PCDH15: variants seen among roughly 807,000 people sequenced by gnomAD.
PCDH15 encodes protocadherin-15.
Under a neutral mutation model 178.5 loss-of-function variants are expected in PCDH15, and 129 were observed. That is an observed-to-expected ratio of 0.72 (90% CI 0.63 to 0.84). The LOEUF (loss-of-function observed/expected upper bound fraction) is 0.84. Among genes scored for constraint, PCDH15 ranks in the 40% least tolerant of loss-of-function variants. PCDH15 has a pLI of 0.00. For synonymous variants in PCDH15, 800 were observed against 732.0 expected (o/e 1.09, Z -1.50); for missense variants, 2,230 against 2,099.9 (o/e 1.06, Z -1.21).
intron 3 of PCDH15, among the ~76,000 whole-genome samples, chr10:54,426,550 C>T (rs1455640377): frequency 2.0e-5 from 3 of 152,182 alleles, no homozygotes; most frequent in Admixed American, 2.0e-4. Context: ...CAGTTTGTGG[C>T]CTGGGGGTTG....
At chr10:55,620,242 C>T (rs1183228080) in intron 2 of PCDH15, among the ~76,000 whole-genome samples, 1 of 151,962 alleles carries the variant, frequency 6.6e-6, no homozygotes, top group Admixed American at 6.6e-5. Flanking sequence ...GCTAAGAACA[C>T]ATGACATATT....
chr10:54,580,059 G>C (rs2090897772), intron 2 of PCDH15, among the ~76,000 whole-genome samples: 1 of 151,876 alleles, frequency 6.6e-6, no homozygotes, highest in Admixed American at 6.6e-5. Flanking sequence ...ACACCTATGG[G>C]AACCGGAGGA....
intron 3 of PCDH15, among the ~76,000 whole-genome samples, chr10:54,467,692 T>A (rs748132359): frequency 4.0e-5 from 6 of 149,496 alleles, no homozygotes; most frequent in African/African-American, 1.5e-4. Flanking sequence ...CAAAATAAAT[T>A]GGCTGAAATT....
chr10:55,148,570 G>T (rs1476349616), intron 2 of PCDH15, among the ~76,000 whole-genome samples: 2 of 151,648 alleles, frequency 1.3e-5, no homozygotes, highest in Non-Finnish European at 2.9e-5. Context: ...ATCGTGGCTG[G>T]TTAAGATTAG....
intron 2 of PCDH15, among the ~76,000 whole-genome samples, chr10:54,550,592 C>G (rs138265340): frequency 6.6e-6 from 1 of 151,842 alleles, no homozygotes; most frequent in African/African-American, 2.4e-5. Context: ...TTAAAGCTGG[C>G]CTTCCATGAA....
Position 54,192,138 on chromosome 10 carries a change from G to A in PCDH15, c.1305+3545C>T, listed in dbSNP as rs530420799. On this transcript the variant is annotated intron_variant, in intron 11 of 37. Coordinates refer to ENST00000644397, the MANE Select transcript of PCDH15 (RefSeq NM_001384140.1). ...AAAAAAAGAAAGAAAGAAAGAGAAA[G>A]AGAAAGAAAGAAAGAAAAAGAAAGA... Among the ~76,000 whole-genome samples, 345 of 117,598 alleles carry A rather than the reference G, an allele frequency of 2.9e-3. 1 individual carries two copies. Among genetic ancestry groups the A allele is most frequent in the African/African-American group, 9.9e-3 (311 of 31,448 alleles). The allele number at this position is 117,598 out of a possible 152,430, so 77.1% of individuals were successfully genotyped here.
intron 2 of PCDH15, among the ~76,000 whole-genome samples, chr10:54,569,692 A>G (rs1937419): frequency 0.94 from 142,465 of 152,152 alleles, 66,965 homozygotes; most frequent in Middle Eastern, 0.98. Flanking sequence ...GTTATATCTG[A>G]CTGGAAATTA....
chr10:54,264,233 C>G (rs1023499740), intron 8 of PCDH15, among the ~76,000 whole-genome samples: 2 of 152,128 alleles, frequency 1.3e-5, no homozygotes, highest in African/African-American at 4.8e-5. Context: ...TATCCTACTA[C>G]TTCAGTACCT....
chr10:54,995,521 T>C (rs1475882882), intron 2 of PCDH15, among the ~76,000 whole-genome samples: 1 of 151,884 alleles, frequency 6.6e-6, no homozygotes, highest in Non-Finnish European at 1.5e-5. Flanking sequence ...ATTTTGCCCA[T>C]AACAACTTCT....
chr10:54,271,267 A>G (rs905825600), intron 8 of PCDH15, among the ~76,000 whole-genome samples: 13 of 152,016 alleles, frequency 8.6e-5, no homozygotes, highest in African/African-American at 3.1e-4. Flanking sequence ...CTGAAGTACA[A>G]TGGTGCGATC....
chr10:54,244,704 A>G (rs2055748493), intron 8 of PCDH15, among the ~76,000 whole-genome samples: 1 of 152,108 alleles, frequency 6.6e-6, no homozygotes, highest in South Asian at 2.1e-4. Flanking sequence ...TCTGGTTCCT[A>G]CTTCTCACAC....
chr10:55,549,325 G>A (rs958294251), intron 2 of PCDH15, among the ~76,000 whole-genome samples: 11 of 151,964 alleles, frequency 7.2e-5, no homozygotes, highest in African/African-American at 1.2e-4. Context: ...CTTACAGCCC[G>A]TTACACATGT....
chr10:55,371,728 G>T (rs1474586356), intron 2 of PCDH15, among the ~76,000 whole-genome samples: 1 of 152,104 alleles, frequency 6.6e-6, no homozygotes, highest in East Asian at 1.9e-4. Flanking sequence ...CTGCAGAGCT[G>T]TGAGTCAATT....
intron 25 of PCDH15, among the ~76,000 whole-genome samples, chr10:53,917,934 G>A (rs2083663798): frequency 6.6e-6 from 1 of 152,004 alleles, no homozygotes; most frequent in African/African-American, 2.4e-5. Context: ...CTCCTGCTCT[G>A]GCCATATAAC....
At chr10:55,559,659 T>A (rs1842155118) in intron 2 of PCDH15, among the ~76,000 whole-genome samples, 1 of 151,822 alleles carries the variant, frequency 6.6e-6, no homozygotes, top group Non-Finnish European at 1.5e-5. Flanking sequence ...TACAAATAAT[T>A]CTCACTAGAA....
chr10:54,268,537 A>G (rs751218686), intron 8 of PCDH15, among the ~76,000 whole-genome samples: 3 of 151,984 alleles, frequency 2.0e-5, no homozygotes, highest in Non-Finnish European at 4.4e-5. Context: ...TGGATTGTAT[A>G]AAGAAACTGT....
intron 2 of PCDH15, among the ~76,000 whole-genome samples, chr10:54,594,600 C>T (rs538223913): frequency 6.6e-6 from 1 of 152,304 alleles, no homozygotes; most frequent in African/African-American, 2.4e-5. Context: ...CCCCACACTA[C>T]AGCCTCCTCC....
intron 3 of PCDH15, among the ~76,000 whole-genome samples, chr10:54,839,171 C>G (rs1953373195): frequency 6.6e-6 from 1 of 152,064 alleles, no homozygotes; most frequent in Non-Finnish European, 1.5e-5. Flanking sequence ...AATAAAACTC[C>G]TATAATTGAC....
intron 1 of PCDH15, among the ~76,000 whole-genome samples, chr10:55,318,351 A>C (rs562524231): frequency 3.9e-5 from 6 of 152,202 alleles, no homozygotes; most frequent in Non-Finnish European, 7.3e-5. Flanking sequence ...GAAGGAGACA[A>C]TAAATTAAGT....
Sources: allele counts gnomAD v4.1 joint callset (sites outside exome capture counted in the v4.1 genomes callset), GRCh38; gene constraint gnomAD v4.1.1; transcripts MANE v1.5; gene names NCBI Gene and HGNC (gene_info 2026-07-23, HGNC 2026-07-21).